Variants in EDIL3 observed in about 807,000 individuals in gnomAD.
EDIL3 encodes EGF like and discoidin domains 3.
A neutral mutation model predicts 67.4 loss-of-function variants in EDIL3; 37 were observed. The observed-to-expected ratio is 0.55, with a 90% CI of 0.42 to 0.72. The LOEUF (loss-of-function observed/expected upper bound fraction) is 0.72. EDIL3 is among the 30% of genes least tolerant of loss of function. The probability of loss-of-function intolerance (pLI) is 0.00; values close to 1 mark genes in which losing one functional copy is unlikely to be tolerated. For missense variants in EDIL3, 527 were observed against 586.3 expected (o/e 0.90, Z 1.04); for synonymous variants, 195 against 196.3 (o/e 0.99, Z 0.05).
chr5:84,285,632 T>C (rs558083968), intron 1 of EDIL3, among the ~76,000 whole-genome samples: 6 of 152,318 alleles, frequency 3.9e-5, no homozygotes, highest in East Asian at 3.9e-4. Context: ...AAAACCATAA[T>C]AAAAAGATTA....
At chr5:84,109,078 C>T (rs1176818682) in intron 5 of EDIL3, among the ~76,000 whole-genome samples, 1 of 152,108 alleles carries the variant, frequency 6.6e-6, no homozygotes, top group Non-Finnish European at 1.5e-5. Flanking sequence ...AACTCATTGA[C>T]TTTGAACTGT....
intron 6 of EDIL3, among the ~76,000 whole-genome samples, chr5:84,083,050 T>A (rs2112260216): frequency 6.6e-6 from 1 of 152,338 alleles, no homozygotes. Flanking sequence ...TGCTTATACA[T>A]TTCTATAGCA....
intron 3 of EDIL3, among the ~76,000 whole-genome samples, chr5:84,187,593 A>G (rs73769770): frequency 8.7e-4 from 132 of 152,192 alleles, no homozygotes; most frequent in African/African-American, 3.1e-3. Context: ...GTTTACCACT[A>G]GAATAAAATA....
At chr5:84,281,193 C>CTAT (rs1745692925) in intron 1 of EDIL3, among the ~76,000 whole-genome samples, 1 of 152,050 alleles carries the variant, frequency 6.6e-6, no homozygotes, top group African/African-American at 2.4e-5. Context: ...TCATTCAATT[C>CTAT]TATTTCTTAC....
chr5:84,092,810 A>T (rs1399585832), intron 6 of EDIL3, among the ~76,000 whole-genome samples: 1 of 151,450 alleles, frequency 6.6e-6, no homozygotes. Context: ...AAAAACAAAA[A>T]CAAACAAACA....
intron 1 of EDIL3, among the ~76,000 whole-genome samples, chr5:84,343,203 C>A (rs1409761175): frequency 6.6e-6 from 1 of 151,970 alleles, no homozygotes; most frequent in Non-Finnish European, 1.5e-5. Context: ...CCTTCTTTAG[C>A]TGCTAATACC....
intron 3 of EDIL3, among the ~76,000 whole-genome samples, chr5:84,228,533 T>C (rs1278749959): frequency 1.3e-5 from 2 of 152,218 alleles, no homozygotes; most frequent in East Asian, 3.9e-4. Flanking sequence ...AGAAATATGA[T>C]AGGAGTTCCT....
At position 84,229,837 on chromosome 5, in the gene EDIL3, A is replaced by C; in HGVS notation, c.226+18T>G. On this transcript the variant is annotated intron_variant, in intron 3 of 10. Coordinates refer to ENST00000296591, the MANE Select transcript of EDIL3 (RefSeq NM_005711.5). Reference sequence around the variant, plus strand: ...ATGACATTAAATAAGAATTATGTTTACAACATAGGAACTTTACCTGCTGAA... The same window carrying C: ...ATGACATTAAATAAGAATTATGTTTCCAACATAGGAACTTTACCTGCTGAA... 6.2e-7 allele frequency: 1 copy of C among 1,602,064 alleles called. No homozygotes were observed. Among genetic ancestry groups the C allele is most frequent in the Non-Finnish European group, 8.5e-7 (1 of 1,172,810 alleles).
intron 1 of EDIL3, among the ~76,000 whole-genome samples, chr5:84,379,729 A>G (rs1378880668): frequency 6.6e-6 from 1 of 152,088 alleles, no homozygotes. Flanking sequence ...CCAAGTTAAA[A>G]TCCTATGGTA....
Position 84,250,685 on chromosome 5 carries a change from C to T in EDIL3, c.196+3399G>A, listed in dbSNP as rs1245608655. 2.6e-5 allele frequency among the ~76,000 whole-genome samples: 4 copies of T among 152,008 alleles called. No homozygotes were observed. In the East Asian group the frequency reaches 5.8e-4, roughly 22 times the overall value. ...GAAATTCTCCTTTCCAGATGAACTG[C>T]AATGAAAAGAGTATGTGTCTGACTG... On this transcript the variant is annotated intron_variant, in intron 2 of 10. Coordinates refer to ENST00000296591, the MANE Select transcript of EDIL3 (RefSeq NM_005711.5).
intron 6 of EDIL3, 105 bp from the exon 7 acceptor site, chr5:84,066,711 A>C (rs997039461): frequency 2.3e-4 from 322 of 1,374,430 alleles, no homozygotes; most frequent in Non-Finnish European, 2.8e-4. Flanking sequence ...ATTAATAATA[A>C]CATAAAAAGC....
Position 83,941,634 on chromosome 5 carries a change from A to AGTT in EDIL3, c.*1782_*1784dup, listed in dbSNP as rs531597792. ...AAATATTTTAAAATCCTAACTTTAA[A>AGTT]GTTATCTAAAAAAGGCAATATGGAG... On this transcript the variant is annotated 3_prime_UTR_variant, in exon 11 of 11. Coordinates refer to ENST00000296591, the MANE Select transcript of EDIL3 (RefSeq NM_005711.5). 1.3e-4 allele frequency: 20 copies of AGTT among 152,102 alleles called. No individual in the cohort carries two copies. In the East Asian group the frequency reaches 3.9e-3, roughly 29 times the overall value. 9.4% of individuals were successfully genotyped at this position (152,102 alleles called of 1,614,324 possible). A position where few individuals can be genotyped will look rare whatever the true frequency, so the allele number is the denominator to read the frequency against.
chr5:84,349,454 G>A (rs1171933301), intron 1 of EDIL3, among the ~76,000 whole-genome samples: 2 of 152,068 alleles, frequency 1.3e-5, no homozygotes, highest in Non-Finnish European at 2.9e-5. Flanking sequence ...GACTCAAGTA[G>A]GACACGATTC....
At chr5:84,253,704 G>A (rs1179210150) in intron 2 of EDIL3, among the ~76,000 whole-genome samples, 2 of 151,898 alleles carry the variant, frequency 1.3e-5, no homozygotes, top group East Asian at 1.9e-4. Flanking sequence ...GATATTCGAA[G>A]TCCCTAAAAA....
chr5:84,141,056 G>A (rs1748178805), intron 4 of EDIL3, among the ~76,000 whole-genome samples: 1 of 151,896 alleles, frequency 6.6e-6, no homozygotes, highest in Non-Finnish European at 1.5e-5. Flanking sequence ...AAACATATTT[G>A]CAATAAATAA....
In EDIL3 at chr5:84,241,583, ATGAAG is replaced by A. The variant is rs373744644; in HGVS notation, c.197-11704_197-11700del. ...TAGGGCTCTCTTTTTCCCATATGAAATGAAGTGATTTGTCAAATTATATGTTGAAG... is the reference window on the plus strand; with the variant it reads ...TAGGGCTCTCTTTTTCCCATATGAAATGATTTGTCAAATTATATGTTGAAG... On this transcript the variant is annotated intron_variant, in intron 2 of 10. Transcript: ENST00000296591. Among the ~76,000 whole-genome samples the A allele has an allele frequency of 2.0e-3, 302 of 152,172 alleles. 1 individual carries two copies. Among genetic ancestry groups the A allele is most frequent in the African/African-American group, 7.0e-3 (293 of 41,564 alleles).
At chr5:84,020,105 A>G (rs1221754798) in intron 9 of EDIL3, among the ~76,000 whole-genome samples, 1 of 151,460 alleles carries the variant, frequency 6.6e-6, no homozygotes, top group African/African-American at 2.4e-5. Context: ...AACAAACAAA[A>G]CACTTTCCTT....
At chr5:84,275,001 G>A (rs577519397) in intron 1 of EDIL3, among the ~76,000 whole-genome samples, 1 of 152,242 alleles carries the variant, frequency 6.6e-6, no homozygotes, top group Non-Finnish European at 1.5e-5. Flanking sequence ...GGACCCCAGA[G>A]ACTGTATTCT....
chr5:84,286,016 G>T (rs977944442), intron 1 of EDIL3, among the ~76,000 whole-genome samples: 2 of 152,010 alleles, frequency 1.3e-5, no homozygotes, highest in African/African-American at 2.4e-5. Flanking sequence ...TAATTCCATG[G>T]GAATTTTTTT....
Sources: allele counts gnomAD v4.1 joint callset (sites outside exome capture counted in the v4.1 genomes callset), GRCh38; gene constraint gnomAD v4.1.1; transcripts MANE v1.5; gene names NCBI Gene and HGNC (gene_info 2026-07-23, HGNC 2026-07-21).